FAM217A: variants seen among roughly 807,000 people sequenced by gnomAD.
The protein encoded by FAM217A is family with sequence similarity 217 member A.
A neutral mutation model predicts 18.5 loss-of-function variants in FAM217A; 13 were observed. The ratio of observed to expected loss-of-function variants is 0.70; its 90% CI spans 0.46 to 1.12. The LOEUF (loss-of-function observed/expected upper bound fraction) is 1.12, where lower values mean the gene tolerates loss of function less well. Ranked by LOEUF, FAM217A falls within the 50% of genes most tolerant of loss-of-function variation. The pLI is 0.00. For synonymous variants in FAM217A, 161 were observed against 202.8 expected (o/e 0.79, Z 1.75); for missense variants, 560 against 575.4 (o/e 0.97, Z 0.27).
chr6:4,076,891 AAC>A (rs1315148387), intron 2 of FAM217A, among the ~76,000 whole-genome samples: 3 of 152,194 alleles, frequency 2.0e-5, no homozygotes, highest in African/African-American at 7.2e-5. Context: ...ACAAACAAAA[AAC>A]ACCAAAACAA....
chr6:4,076,167 A>G (rs1377309183), intron 2 of FAM217A, among the ~76,000 whole-genome samples: 4 of 151,826 alleles, frequency 2.6e-5, no homozygotes, highest in African/African-American at 9.7e-5. Context: ...CATTTCTACT[A>G]AAAATACAAA....
In FAM217A at chr6:4,069,429, G is replaced by A. The variant is rs1200863375; in HGVS notation, c.794C>T (p.Ala265Val). The A allele has an allele frequency of 6.2e-7, 1 of 1,614,050 alleles. No homozygotes were observed. The highest frequency in any genetic ancestry group is 1.3e-5 in the African/African-American group (1 of 74,924). Reference protein sequence around the residue: ...PFSALDLHNLALSKSDNWKVT... With the variant: ...PFSALDLHNLVLSKSDNWKVT... ...TTTCCAATTGTCAGATTTGGAGAGG[G>A]CTAAATTGTGCAAGTCTAGAGCACT... The change falls in exon 7 of 7, where the codon GCC becomes GTC. Residue 265 changes from alanine to valine, a missense_variant. By Grantham distance (64) the Ala-to-Val change is moderately conservative. Coordinates refer to ENST00000274673, the MANE Select transcript of FAM217A (RefSeq NM_173563.3).
intron 2 of FAM217A, among the ~76,000 whole-genome samples, chr6:4,076,293 C>G (rs1462536883): frequency 1.4e-5 from 2 of 142,726 alleles, no homozygotes; most frequent in African/African-American, 5.3e-5. Flanking sequence ...AGCACCACTG[C>G]ACTCCACCCT....
exon 2 of FAM217A, chr6:4,084,596 G>T (rs755509745): frequency 2.8e-6 from 2 of 702,962 alleles, no homozygotes; most frequent in South Asian, 3.0e-5. Flanking sequence ...GCCAGGAAAG[G>T]TGTAACTTGA....
rs916660558 is a variant in FAM217A at position 4,068,752 on chromosome 6, A to C, written c.1471T>G (p.Leu491Val). The C allele has an allele frequency of 1.1e-5, 17 of 1,612,894 alleles. No individual in the cohort carries two copies. Among genetic ancestry groups the C allele is most frequent in the Non-Finnish European group, 1.4e-5 (17 of 1,179,724 alleles). ...TCCTTAGCAATAAGGGAAGGCGACA[A>C]ACAGTTTAGCTTCTGAATAGAGAAT... ...RPFSIQKLNCLSPSLIAKDKC... is the reference protein window; with the variant it reads ...RPFSIQKLNCVSPSLIAKDKC... The change falls in exon 7 of 7, where the codon TTG (leucine) becomes GTG (valine). Residue 491 changes from leucine to valine, a missense_variant. By Grantham distance (32) the Leu-to-Val change is conservative. Coordinates refer to ENST00000274673, the MANE Select transcript of FAM217A (RefSeq NM_173563.3).
chr6:4,073,094 T>A (rs1769534034), intron 6 of FAM217A, among the ~76,000 whole-genome samples, 181 bp downstream of exon 6: 1 of 152,208 alleles, frequency 6.6e-6, no homozygotes. Flanking sequence ...CCTATTCTAA[T>A]TGTCTCGTGG....
intron 1 of FAM217A, among the ~76,000 whole-genome samples, chr6:4,085,876 G>A (rs547826244): frequency 3.3e-5 from 5 of 152,244 alleles, no homozygotes; most frequent in South Asian, 2.1e-4. Flanking sequence ...CTGGGAGGCC[G>A]AGGCAAGAGG....
intron 6 of FAM217A, among the ~76,000 whole-genome samples, chr6:4,072,308 C>T (rs1333519364): frequency 6.6e-6 from 1 of 151,876 alleles, no homozygotes; most frequent in Non-Finnish European, 1.5e-5. Context: ...CCATTGCACT[C>T]CAGCATGGGC....
chr6:4,087,060 C>G (rs1770713299), upstream of FAM217A: 2 of 399,250 alleles, frequency 5.0e-6, no homozygotes, highest in Non-Finnish European at 8.8e-6. Flanking sequence ...GCTCTTTCCT[C>G]AGTTCTGCTG....
rs140486532 is a variant in FAM217A at position 4,070,510 on chromosome 6, C to A, written c.303-590G>T. ...ATGCTCTTCTATTTTAGGAGTAATTCTAGGTATTATGTTAAAATGAAAACT... is the reference window on the plus strand; with the variant it reads ...ATGCTCTTCTATTTTAGGAGTAATTATAGGTATTATGTTAAAATGAAAACT... On this transcript the variant is annotated intron_variant, in intron 6 of 6. Coordinates refer to ENST00000274673, the MANE Select transcript of FAM217A (RefSeq NM_173563.3). 9.1e-3 allele frequency among the ~76,000 whole-genome samples: 1,388 copies of A among 151,996 alleles called. 11 individuals carry two copies. The highest frequency in any genetic ancestry group is 0.013 in the Non-Finnish European group (891 of 67,962).
rs189935348 is a variant in FAM217A at position 4,084,714 on chromosome 6, C to T, written c.115G>A (p.Val39Ile). 2.8e-5 allele frequency: 20 copies of T among 703,040 alleles called. No individual in the cohort carries two copies. In the Admixed American group the frequency reaches 3.2e-4, roughly 11 times the overall value. The allele number at this position is 703,040 out of a possible 1,614,324, so 43.6% of individuals were successfully genotyped here. A position where few individuals can be genotyped will look rare whatever the true frequency, so the allele number is the denominator to read the frequency against. Residue 39 changes from valine (V) to isoleucine (I), a missense_variant, in exon 2 of 9, where the codon GTT becomes ATT. By Grantham distance (29) the Val-to-Ile change is conservative. Coordinates refer to the FAM217A transcript ENST00000639338. ...TTGGAGCTAATCTTCTCTCTGTGAA[C>T]ATTACTGAACACCTTGCCTTCTGGA...
chr6:4,078,816 C>A, intron 1 of FAM217A, 36 bp downstream of exon 1: 1 of 444,096 alleles, frequency 2.3e-6, no homozygotes. Flanking sequence ...CAGGAGGGGG[C>A]TGCGGGATTC....
At chr6:4,075,542 T>C (rs980039466) in intron 2 of FAM217A, among the ~76,000 whole-genome samples, 3 of 152,158 alleles carry the variant, frequency 2.0e-5, no homozygotes, top group Non-Finnish European at 4.4e-5. Context: ...AACTGAGTAT[T>C]TATGTTCCAG....
chr6:4,077,460 G>A lies in FAM217A; in HGVS notation c.-34-12C>T. On this transcript the variant is annotated splice_polypyrimidine_tract_variant and intron_variant, in intron 1 of 6. Coordinates refer to ENST00000274673, the MANE Select transcript of FAM217A (RefSeq NM_173563.3). Reference sequence around the variant, plus strand: ...GTTTCCTTAAAATCCTACACAGATTGCGGGATAGGCACATTTATGGGTAAG... The same window carrying A: ...GTTTCCTTAAAATCCTACACAGATTACGGGATAGGCACATTTATGGGTAAG... 1 of 1,592,234 alleles carries A rather than the reference G, an allele frequency of 6.3e-7. No individual in the cohort carries two copies. The highest frequency in any genetic ancestry group is 8.6e-7 in the Non-Finnish European group (1 of 1,160,106).
intron 2 of FAM217A, 104 bp downstream of exon 2, chr6:4,077,251 T>A: frequency 9.0e-7 from 1 of 1,115,348 alleles, no homozygotes; most frequent in South Asian, 1.4e-5. Context: ...CTGCCCACGA[T>A]GCAAACGCAG....
chr6:4,078,560 C>A (rs1286696013), intron 1 of FAM217A, among the ~76,000 whole-genome samples: 1 of 152,154 alleles, frequency 6.6e-6, no homozygotes, highest in Non-Finnish European at 1.5e-5. Context: ...GGTGGCGCTG[C>A]CTGGGGCCAC....
chr6:4,082,179 C>G (rs1275481784), upstream of FAM217A, among the ~76,000 whole-genome samples: 2 of 152,118 alleles, frequency 1.3e-5, no homozygotes, highest in African/African-American at 2.4e-5. Context: ...AAATTGTGCC[C>G]TCTCCAAACC....
upstream of FAM217A, among the ~76,000 whole-genome samples, chr6:4,081,472 C>T (rs537911462): frequency 9.8e-4 from 149 of 152,088 alleles, no homozygotes; most frequent in Non-Finnish European, 1.1e-3. Context: ...CCACCACGCC[C>T]GGCTAATTTT....
intron 2 of FAM217A, among the ~76,000 whole-genome samples, chr6:4,075,279 A>G (rs1433122183): frequency 2.6e-5 from 4 of 152,208 alleles, no homozygotes; most frequent in Admixed American, 1.3e-4. Flanking sequence ...GGTTGCAGTG[A>G]GCTGCAATCA....
Sources: gnomAD v4.1 joint callset for allele counts (sites outside exome capture counted in the v4.1 genomes callset) on GRCh38, gnomAD v4.1.1 for gene constraint, MANE v1.5 for transcripts, NCBI Gene and HGNC (gene_info 2026-07-23, HGNC 2026-07-21) for gene names.